The following PAPLN variants were observed in gnomAD, a reference collection of about 807,000 sequenced individuals.
The protein encoded by PAPLN is papilin, proteoglycan like sulfated glycoprotein, also known as papilin.
A neutral mutation model predicts 159.0 loss-of-function variants in PAPLN; 146 were observed. That is an observed-to-expected ratio of 0.92 (90% CI 0.80 to 1.05). The LOEUF (loss-of-function observed/expected upper bound fraction) is 1.05. Ranked by LOEUF, PAPLN falls within the 50% of genes least tolerant of loss-of-function variation. The probability of loss-of-function intolerance (pLI) is 0.00; values close to 1 mark genes in which losing one functional copy is unlikely to be tolerated. For synonymous variants in PAPLN, 734 were observed against 702.9 expected, an observed-to-expected ratio of 1.04 and a Z score of -0.70; for missense variants, 1,720 against 1,743.9, an observed-to-expected ratio of 0.99 and a Z score of 0.24.
At chr14:73,260,060 C>T (rs1414029582) in intron 16 of PAPLN, among the ~76,000 whole-genome samples, 1 of 152,152 alleles carries the variant, frequency 6.6e-6, no homozygotes, top group Non-Finnish European at 1.5e-5. Flanking sequence ...TGCTTCTGGG[C>T]CCAGACTTTG....
chr14:73,259,367 C>T lies in PAPLN; in HGVS notation c.1807C>T (p.Leu603=), dbSNP rs1184507905. ...GDPRGDQGTH[L]SALGPAPSLQ... Reference sequence around the variant, plus strand: ...CCCCAGGGGCGACCAAGGCACCCACCTGTCAGCCCTGGGCCCCGCTCCCTC... The same window carrying T: ...CCCCAGGGGCGACCAAGGCACCCACTTGTCAGCCCTGGGCCCCGCTCCCTC... Residue 603 remains leucine (L), a synonymous_variant, in exon 16 of 27, where the codon CTG becomes TTG. Coordinates refer to ENST00000644200, the MANE Select transcript of PAPLN (RefSeq NM_001365906.3). 1 of 1,612,288 alleles carries T rather than the reference C, an allele frequency of 6.2e-7. No homozygotes were observed. Among genetic ancestry groups the T allele is most frequent in the Non-Finnish European group, 8.5e-7 (1 of 1,179,192 alleles).
At chr14:73,262,078 C>T in intron 18 of PAPLN, 1 of 411,952 alleles carries the variant, frequency 2.4e-6, no homozygotes, top group East Asian at 3.9e-5. Context: ...TCCAAGGGAG[C>T]CGGCCCAGGG....
intron 5 of PAPLN, chr14:73,249,674 C>CA (rs58852515): frequency 0.33 from 30,706 of 93,352 alleles, 5,446 homozygotes; most frequent in Admixed American, 0.49. Context: ...GACTCCACCT[C>CA]AAAAAAAAAA....
intron 26 of PAPLN, among the ~76,000 whole-genome samples, chr14:73,270,508 A>G (rs571651669): frequency 6.6e-6 from 1 of 152,338 alleles, no homozygotes; most frequent in South Asian, 2.1e-4. Context: ...CTGCCTGCAC[A>G]ATGATGGAGT....
At position 73,245,939 on chromosome 14, in the gene PAPLN, G is replaced by T; in HGVS notation, c.232-134G>T. ...GCACAGGAGTTCGGGGGTCCGGGGGGCGGACTCCACCTCCGGCGGCTCCGA... is the reference window on the plus strand; with the variant it reads ...GCACAGGAGTTCGGGGGTCCGGGGGTCGGACTCCACCTCCGGCGGCTCCGA... On this transcript the variant is annotated intron_variant, in intron 4 of 26. Transcript: ENST00000644200. The surrounding 1 kb of genome is among the most constrained non-coding windows in gnomAD (Gnocchi z 4.2). The T allele has an allele frequency of 1.0e-6, 1 of 984,342 alleles. No homozygotes were observed. Among genetic ancestry groups the T allele is most frequent in the Non-Finnish European group, 1.4e-6 (1 of 691,574 alleles). The allele number at this position is 984,342 out of a possible 1,614,324, so 61.0% of individuals were successfully genotyped here.
At chr14:73,248,249 ATGTGTGTG>A (rs376447361) in intron 5 of PAPLN, among the ~76,000 whole-genome samples, 822 of 76,934 alleles carry the variant, frequency 0.011, 14 homozygotes, top group African/African-American at 0.046. Flanking sequence ...CATATCCTCT[ATGTGTGTG>A]TGTGTGTGTG....
intron 14 of PAPLN, among the ~76,000 whole-genome samples, chr14:73,258,477 G>C (rs150759006): frequency 1.3e-5 from 2 of 152,052 alleles, no homozygotes; most frequent in East Asian, 3.9e-4. Context: ...ACTTTTTGCT[G>C]AACATGTAAG....
intron 2 of PAPLN, among the ~76,000 whole-genome samples, chr14:73,241,940 G>T (rs1019755790): frequency 1.3e-5 from 2 of 152,270 alleles, no homozygotes; most frequent in African/African-American, 2.4e-5. Flanking sequence ...GTGGCTCCAG[G>T]TGGGAGTTGA....
chr14:73,259,288 G>A lies in PAPLN; in HGVS notation c.1728G>A (p.Trp576Ter), dbSNP rs767880935. The A allele has an allele frequency of 5.7e-6, 9 of 1,568,270 alleles. No individual in the cohort carries two copies. The highest frequency in any genetic ancestry group is 7.8e-6 in the Non-Finnish European group (9 of 1,155,174). Residue 576 changes from tryptophan (W) to a stop codon, truncating the protein, a stop_gained, in exon 16 of 27, where the codon TGG becomes TGA. Coordinates refer to ENST00000644200, the MANE Select transcript of PAPLN (RefSeq NM_001365906.3). LOFTEE classifies it high-confidence loss of function. ...SPASDSRGQW[W>*]AAQEHPSARG... ...TTCTAGACTCCAGAGGCCAGTGGTG[G>A]GCAGCCCAGGAACACCCCTCAGCCA...
chr14:73,267,005 G>C (rs780051311), intron 25 of PAPLN, among the ~76,000 whole-genome samples, 174 bp downstream of exon 25: 2 of 152,166 alleles, frequency 1.3e-5, no homozygotes, highest in African/African-American at 2.4e-5. Context: ...AAGCTCTGTA[G>C]GGCCACTGGC....
intron 14 of PAPLN, 29 bp downstream of exon 14, chr14:73,255,047 G>C (rs376243056): frequency 6.3e-7 from 1 of 1,596,518 alleles, no homozygotes; most frequent in Non-Finnish European, 8.5e-7. Flanking sequence ...GGAGGAGTCC[G>C]GCCTCTGACC....
At position 73,259,058 on chromosome 14, in the gene PAPLN, A is replaced by C; in HGVS notation, c.1707A>C (p.Ser569=). The C allele has an allele frequency of 6.2e-7, 1 of 1,610,722 alleles. No homozygotes were observed. The highest frequency in any genetic ancestry group is 8.5e-7 in the Non-Finnish European group (1 of 1,178,338). ...MPLGPQESPA[S]DSRGQWWAAQ... ...TGGGCCCTCAGGAGTCCCCTGCCTC[A>C]GGTGAGAGCCTGGTCCCGTCCCCCA... The change falls in exon 15 of 27, where the codon TCA becomes TCC. Residue 569 remains serine (S), a splice_region_variant and synonymous_variant. Transcript: ENST00000644200.
chr14:73,249,209 C>T (rs1884948285), intron 5 of PAPLN, among the ~76,000 whole-genome samples: 1 of 152,190 alleles, frequency 6.6e-6, no homozygotes, highest in Non-Finnish European at 1.5e-5. Context: ...ATTTTAGCCC[C>T]TTTCACATTA....
In PAPLN at chr14:73,245,671, G is replaced by A. The variant is rs868693687; in HGVS notation, c.206G>A (p.Arg69Gln). Residue 69 changes from arginine (R) to glutamine (Q), a missense_variant, in exon 4 of 27, where the codon CGG becomes CAG. By Grantham distance (43) the Arg-to-Gln change is conservative. Transcript: ENST00000644200. The surrounding 1 kb of genome is among the most constrained non-coding windows in gnomAD (Gnocchi z 4.2). ...DGGSSCVGPA[R>Q]SHRSCRTESC... Reference sequence around the variant, plus strand: ...GGCTCCAGCTGCGTGGGCCCCGCCCGGAGCCACCGCTCTTGTCGCACGGAG... The same window carrying A: ...GGCTCCAGCTGCGTGGGCCCCGCCCAGAGCCACCGCTCTTGTCGCACGGAG... The A allele has an allele frequency of 6.4e-7, 1 of 1,556,124 alleles. No individual in the cohort carries two copies. Among genetic ancestry groups the A allele is most frequent in the Non-Finnish European group, 8.7e-7 (1 of 1,152,856 alleles).
intron 18 of PAPLN, among the ~76,000 whole-genome samples, chr14:73,261,777 A>G (rs900758663): frequency 1.3e-5 from 2 of 152,200 alleles, no homozygotes; most frequent in Non-Finnish European, 2.9e-5. Flanking sequence ...AAGCCGGGCT[A>G]GGGCTGTGGT....
At chr14:73,254,755 C>A (rs1361711720) in intron 13 of PAPLN, 60 bp downstream of exon 13, 1 of 1,593,542 alleles carries the variant, frequency 6.3e-7, no homozygotes, top group East Asian at 2.2e-5. Context: ...GGTGGCTGCA[C>A]CCGAGCGCCG....
Position 73,241,721 on chromosome 14 carries a change from G to A in PAPLN, c.54+1889G>A, listed in dbSNP as rs560521971. On this transcript the variant is annotated intron_variant, in intron 2 of 26. Coordinates refer to ENST00000644200, the MANE Select transcript of PAPLN (RefSeq NM_001365906.3). ...TGCTGGGGCAGGAACCACCCAGTCC[G>A]AGCACCTTCTCTGGATCACTTATGC... 4.6e-5 allele frequency among the ~76,000 whole-genome samples: 7 copies of A among 152,358 alleles called. No homozygotes were observed. In the South Asian group the frequency reaches 1.2e-3, roughly 27 times the overall value.
chr14:73,235,873 CCTGATTTAAA>C (rs1395177837), upstream of PAPLN, among the ~76,000 whole-genome samples: 4 of 152,372 alleles, frequency 2.6e-5, no homozygotes, highest in South Asian at 2.1e-4. Context: ...AAGAAATGCA[CCTGATTTAAA>C]CTGATTTAAA....
At chr14:73,237,774 G>C (rs1474874299) in intron 1 of PAPLN, among the ~76,000 whole-genome samples, 182 bp downstream of exon 1, 2 of 152,084 alleles carry the variant, frequency 1.3e-5, no homozygotes, top group East Asian at 3.9e-4. Flanking sequence ...TCATCGCTCG[G>C]CACCGCGCGC....
Sources: allele counts gnomAD v4.1 joint callset (sites outside exome capture counted in the v4.1 genomes callset), GRCh38; gene constraint gnomAD v4.1.1; non-coding constraint Gnocchi (gnomAD v3.1); transcripts MANE v1.5; gene names NCBI Gene and HGNC (gene_info 2026-07-23, HGNC 2026-07-21).